Variants in HDAC9 observed in about 807,000 individuals in gnomAD.
The protein encoded by HDAC9 is MEF-2 interacting transcription repressor (MITR) protein.
A neutral mutation model predicts 139.4 loss-of-function variants in HDAC9; 41 were observed. That is an observed-to-expected ratio of 0.29 (90% CI 0.23 to 0.38). The LOEUF (loss-of-function observed/expected upper bound fraction) is 0.38. Among genes scored for constraint, HDAC9 ranks in the 10% least tolerant of loss-of-function variants. HDAC9 has a pLI of 1.00. For synonymous variants in HDAC9, 517 were observed against 476.2 expected (o/e 1.09, Z -1.12); for missense variants, 1,147 against 1,297.0 (o/e 0.88, Z 1.78).
At chr7:18,715,509 C>A (rs1303241181) in intron 12 of HDAC9, among the ~76,000 whole-genome samples, 1 of 151,980 alleles carries the variant, frequency 6.6e-6, no homozygotes, top group African/African-American at 2.4e-5. Context: ...TATACACAAG[C>A]AATTGGGTCT....
intron 1 of HDAC9, among the ~76,000 whole-genome samples, chr7:18,459,340 G>A (rs1247517741): frequency 1.3e-5 from 2 of 152,132 alleles, no homozygotes; most frequent in African/African-American, 4.8e-5. Flanking sequence ...ATACTATAGT[G>A]GAGTGGGAAT....
At position 18,881,273 on chromosome 7, in the gene HDAC9, A is replaced by AG. The variant is rs143474361; in HGVS notation, c.2803+6679dup. ...TCAGTTTTAACTCCAGTTATTACAGAGGATAAGATAAATTAGTTTCCTCAT... is the reference window on the plus strand; with the variant it reads ...TCAGTTTTAACTCCAGTTATTACAGAGGGATAAGATAAATTAGTTTCCTCAT... On this transcript the variant is annotated intron_variant, in intron 22 of 25. Transcript: ENST00000686413. Among the ~76,000 whole-genome samples the AG allele has an allele frequency of 6.5e-3, 983 of 152,280 alleles. 30 individuals carry two copies. The highest frequency in any genetic ancestry group is 0.038 in the East Asian group (197 of 5,188).
chr7:18,777,358 G>C (rs1790863020), intron 16 of HDAC9, among the ~76,000 whole-genome samples: 1 of 151,508 alleles, frequency 6.6e-6, no homozygotes, highest in Admixed American at 6.6e-5. Context: ...TTTTTTCCTT[G>C]TGCATTTTAG....
chr7:18,979,548 G>A (rs780231240), intron 25 of HDAC9, among the ~76,000 whole-genome samples: 3 of 152,118 alleles, frequency 2.0e-5, no homozygotes, highest in African/African-American at 4.8e-5. Context: ...AAGTATGTGC[G>A]TTAGGCTGTT....
chr7:18,610,932 C>G (rs1298650037), intron 6 of HDAC9, among the ~76,000 whole-genome samples: 2 of 152,092 alleles, frequency 1.3e-5, no homozygotes, highest in African/African-American at 4.8e-5. Context: ...TTTTGGGGGC[C>G]TCAACAGTGC....
chr7:18,982,528 A>G (rs1233567511), intron 25 of HDAC9, among the ~76,000 whole-genome samples: 1 of 152,182 alleles, frequency 6.6e-6, no homozygotes, highest in Non-Finnish European at 1.5e-5. Context: ...AATAACATGC[A>G]CACGTTCTAA....
At chr7:18,437,937 A>G (rs1791363395) in intron 1 of HDAC9, among the ~76,000 whole-genome samples, 1 of 151,444 alleles carries the variant, frequency 6.6e-6, no homozygotes, top group African/African-American at 2.4e-5. Flanking sequence ...GCCACATTAT[A>G]TAACGTTACA....
chr7:18,692,958 G>A (rs1294397257), intron 12 of HDAC9, among the ~76,000 whole-genome samples: 1 of 151,820 alleles, frequency 6.6e-6, no homozygotes, highest in African/African-American at 2.4e-5. Flanking sequence ...GTGTTGTTAT[G>A]TATACTATAC....
chr7:18,985,826 G>A (rs370303147), intron 25 of HDAC9, among the ~76,000 whole-genome samples: 9 of 130,506 alleles, frequency 6.9e-5, no homozygotes, highest in East Asian at 6.1e-4. Context: ...GCCAGTGATG[G>A]TGAGCATTTT....
rs557007327 is a variant in HDAC9, at chr7:18,554,692, C to T, written c.23-30589C>T. Among the ~76,000 whole-genome samples the T allele has an allele frequency of 4.6e-5, 7 of 152,174 alleles. No individual in the cohort carries two copies. In the East Asian group the frequency reaches 9.7e-4, roughly 21 times the overall value. ...TGCTGTGACTATCCTCTTCTGTCTC[C>T]CTCCTTCTTTTTTTTCTGCCCTGGA... On this transcript the variant is annotated intron_variant, in intron 2 of 25. Coordinates refer to ENST00000686413, the MANE Select transcript of HDAC9 (RefSeq NM_178425.4).
At chr7:18,149,944 G>A (rs1387482848) in intron 1 of HDAC9, among the ~76,000 whole-genome samples, 1 of 152,012 alleles carries the variant, frequency 6.6e-6, no homozygotes, top group Non-Finnish European at 1.5e-5. Flanking sequence ...TGATACTCCC[G>A]CCTCAGCCTC....
chr7:18,801,488 T>C (rs1793283060), intron 17 of HDAC9, among the ~76,000 whole-genome samples: 1 of 152,114 alleles, frequency 6.6e-6, no homozygotes, highest in African/African-American at 2.4e-5. Context: ...CACATTTGGT[T>C]TGCTAATAAT....
chr7:18,470,563 C>T (rs978928330), intron 1 of HDAC9, among the ~76,000 whole-genome samples: 5 of 152,140 alleles, frequency 3.3e-5, no homozygotes, highest in Admixed American at 6.5e-5. Context: ...AGTTGGCAAA[C>T]GTTTTCTATA....
At chr7:18,654,295 C>T (rs73311485) in intron 11 of HDAC9, among the ~76,000 whole-genome samples, 10,040 of 152,128 alleles carry the variant, frequency 0.066, 1,041 homozygotes, top group African/African-American at 0.22. Flanking sequence ...GCTGCACCTA[C>T]TTCTTCTAGT....
intron 12 of HDAC9, among the ~76,000 whole-genome samples, chr7:18,670,349 C>T (rs1024672045): frequency 6.6e-6 from 1 of 151,978 alleles, no homozygotes; most frequent in Non-Finnish European, 1.5e-5. Context: ...TTCAGTCATG[C>T]CAACAACATA....
chr7:18,317,665 TC>T (rs1271560975), intron 1 of HDAC9, among the ~76,000 whole-genome samples: 1 of 152,180 alleles, frequency 6.6e-6, no homozygotes, highest in Non-Finnish European at 1.5e-5. Context: ...AACTGCTAAA[TC>T]AACTGCTGCC....
intron 2 of HDAC9, among the ~76,000 whole-genome samples, chr7:18,577,490 A>G (rs760988863): frequency 1.3e-5 from 2 of 152,174 alleles, no homozygotes; most frequent in African/African-American, 2.4e-5. Flanking sequence ...TGTAACAAAT[A>G]ACATAGGACA....
chr7:18,827,221 A>G (rs3852256), intron 17 of HDAC9, among the ~76,000 whole-genome samples: 60,646 of 151,794 alleles, frequency 0.4, 12,400 homozygotes, highest in South Asian at 0.56. Context: ...AGTCTTTTTG[A>G]TTCCACTAAA....
At chr7:18,588,979 G>C (rs935830874) in intron 3 of HDAC9, among the ~76,000 whole-genome samples, 10 of 152,048 alleles carry the variant, frequency 6.6e-5, no homozygotes, top group African/African-American at 1.7e-4. Flanking sequence ...AAATCAGTAG[G>C]GTTCAAACTT....
Sources: gnomAD v4.1 joint callset for allele counts (sites outside exome capture counted in the v4.1 genomes callset) on GRCh38, gnomAD v4.1.1 for gene constraint, MANE v1.5 for transcripts, NCBI Gene and HGNC (gene_info 2026-07-23, HGNC 2026-07-21) for gene names.